The following TMEM245 variants were observed in gnomAD, a reference collection of about 807,000 sequenced individuals.
TMEM245 encodes protein CG-2.
In TMEM245, 69 loss-of-function variants were observed where a neutral mutation model predicts 101.2. That is an observed-to-expected ratio of 0.68 (90% CI 0.56 to 0.83). The LOEUF (loss-of-function observed/expected upper bound fraction) is 0.83, where lower values mean the gene tolerates loss of function less well. Ranked by LOEUF, TMEM245 falls within the 40% of genes least tolerant of loss-of-function variation. The pLI, the probability that TMEM245 is intolerant of heterozygous loss-of-function variation, is 0.00. For missense variants in TMEM245, 1,075 were observed against 1,092.8 expected, an observed-to-expected ratio of 0.98 and a Z score of 0.23; for synonymous variants, 537 against 449.8, an observed-to-expected ratio of 1.19 and a Z score of -2.45.
chr9:109,039,941 T>TA, intron 14 of TMEM245, among the ~76,000 whole-genome samples: 1 of 152,196 alleles, frequency 6.6e-6, no homozygotes, highest in South Asian at 2.1e-4. Context: ...TTATGTTATT[T>TA]AAAAAATTTA....
intron 14 of TMEM245, 58 bp from the exon 15 acceptor site, chr9:109,038,175 G>A: frequency 1.5e-6 from 2 of 1,326,870 alleles, no homozygotes; most frequent in Non-Finnish European, 2.1e-6. Flanking sequence ...TCGTGATTCA[G>A]AAAAATCACG....
At chr9:109,071,603 C>CA (rs202086560) in intron 9 of TMEM245, among the ~76,000 whole-genome samples, 45,724 of 123,944 alleles carry the variant, frequency 0.37, 7,496 homozygotes, top group Middle Eastern at 0.47. Flanking sequence ...GACCCTGTCT[C>CA]AAAAAAAAAA....
intron 10 of TMEM245, among the ~76,000 whole-genome samples, chr9:109,063,055 C>G (rs1163673332): frequency 6.6e-6 from 1 of 152,114 alleles, no homozygotes; most frequent in Non-Finnish European, 1.5e-5. Context: ...GAGAGGCAAC[C>G]AAGCATGAAG....
intron 14 of TMEM245, among the ~76,000 whole-genome samples, chr9:109,048,479 ATATT>A (rs1828568665): frequency 6.6e-6 from 1 of 152,162 alleles, no homozygotes; most frequent in Non-Finnish European, 1.5e-5. Context: ...GTTCCAGACA[ATATT>A]TATTAAAAGT....
At chr9:109,054,082 G>C (rs999012966) in intron 12 of TMEM245, among the ~76,000 whole-genome samples, 14 of 152,176 alleles carry the variant, frequency 9.2e-5, no homozygotes, top group Non-Finnish European at 2.1e-4. Flanking sequence ...TGTAATCCCA[G>C]CACTTTGGGA....
intron 10 of TMEM245, among the ~76,000 whole-genome samples, chr9:109,063,617 CA>C (rs2132448033): frequency 6.6e-6 from 1 of 152,156 alleles, no homozygotes; most frequent in East Asian, 1.9e-4. Context: ...TTCCTACAGG[CA>C]AAACTAGGGA....
chr9:109,091,998 T>C (rs1830019955), intron 4 of TMEM245, among the ~76,000 whole-genome samples: 1 of 152,156 alleles, frequency 6.6e-6, no homozygotes, highest in South Asian at 2.1e-4. Flanking sequence ...TACAAAAGTA[T>C]CATACGTCAG....
At position 109,119,709 on chromosome 9, in the gene TMEM245, C is replaced by G. The variant is rs1265617639; in HGVS notation, c.205G>C (p.Ala69Pro). ...AVLFVCLCCGAAVLVYFILEA... is the reference protein window; with the variant it reads ...AVLFVCLCCGPAVLVYFILEA... ...AGGATGAAGTAGACCAGCACCGCGG[C>G]GCCGCAGCACAGGCACACGAACAGC... Residue 69 changes from alanine to proline, a missense_variant, in exon 1 of 18, where the codon GCC (alanine) becomes CCC (proline). Physicochemically the swap from Ala to Pro is conservative, Grantham distance 27. Transcript: ENST00000374586. 3 of 1,548,412 alleles carry G rather than the reference C, an allele frequency of 1.9e-6. No individual in the cohort carries two copies. Among genetic ancestry groups the G allele is most frequent in the Non-Finnish European group, 2.6e-6 (3 of 1,151,364 alleles).
At chr9:109,098,287 T>C (rs1281648864) in intron 3 of TMEM245, among the ~76,000 whole-genome samples, 1 of 152,222 alleles carries the variant, frequency 6.6e-6, no homozygotes, top group African/African-American at 2.4e-5. Context: ...GCAGTAAATA[T>C]GCAGTAAAGC....
chr9:109,094,107 C>A (rs1050593788), intron 3 of TMEM245, among the ~76,000 whole-genome samples: 3 of 152,158 alleles, frequency 2.0e-5, no homozygotes, highest in Non-Finnish European at 4.4e-5. Flanking sequence ...AGGCAAAATC[C>A]ACCACTTGAA....
intron 9 of TMEM245, 58 bp from the exon 10 acceptor site, chr9:109,064,625 A>G: frequency 1.4e-6 from 2 of 1,443,766 alleles, no homozygotes; most frequent in East Asian, 4.6e-5. Context: ...GTGTACCAAT[A>G]ATGCTTTGAA....
At chr9:109,065,915 A>T (rs145434985) in intron 9 of TMEM245, among the ~76,000 whole-genome samples, 1 of 152,282 alleles carries the variant, frequency 6.6e-6, no homozygotes, top group East Asian at 1.9e-4. Context: ...AACTCACAGC[A>T]ACTTTATGTG....
At chr9:109,060,750 T>G (rs1828987786) in intron 10 of TMEM245, among the ~76,000 whole-genome samples, 1 of 152,238 alleles carries the variant, frequency 6.6e-6, no homozygotes, top group Non-Finnish European at 1.5e-5. Context: ...TGATCTTACC[T>G]GTCCAGAGAA....
chr9:109,113,618 T>A (rs1209474608), intron 1 of TMEM245, among the ~76,000 whole-genome samples: 1 of 152,260 alleles, frequency 6.6e-6, no homozygotes, highest in Admixed American at 6.5e-5. Context: ...CACACGATTA[T>A]CCACATATAC....
Position 109,079,082 on chromosome 9 carries a change from T to C in TMEM245, c.1449+1757A>G, listed in dbSNP as rs369365007. The stretch of plus-strand genomic sequence containing the variant: ...ACTGCCCATGCAAGAATGTCACCTG[T>C]TTTTACCTGTAAAGAAAAAGTACCT... On this transcript the variant is annotated intron_variant, in intron 8 of 17. Coordinates refer to ENST00000374586, the MANE Select transcript of TMEM245 (RefSeq NM_032012.4). Among the ~76,000 whole-genome samples, 55 of 152,290 alleles carry C rather than the reference T, an allele frequency of 3.6e-4. 2 individuals carry two copies. In the South Asian group the frequency reaches 0.011, roughly 31 times the overall value.
chr9:109,076,443 T>A (rs11999350), intron 8 of TMEM245, among the ~76,000 whole-genome samples: 21,549 of 150,776 alleles, frequency 0.14, 1,782 homozygotes, highest in African/African-American at 0.2. Flanking sequence ...TGACGAGTTA[T>A]TGGGTGCAGC....
chr9:109,058,371 C>T (rs140800158), intron 11 of TMEM245, among the ~76,000 whole-genome samples: 263 of 151,898 alleles, frequency 1.7e-3, no homozygotes, highest in Non-Finnish European at 3.2e-3. Context: ...AACAAGCAAA[C>T]GTAAGGCAGT....
At position 109,015,967 on chromosome 9, in the gene TMEM245, G is replaced by C. The variant is rs1488481203; in HGVS notation, c.*4493C>G. The C allele has an allele frequency of 6.6e-6, 1 of 152,584 alleles. No homozygotes were observed. Among genetic ancestry groups the C allele is most frequent in the African/African-American group, 2.4e-5 (1 of 41,430 alleles). The allele number at this position is 152,584 out of a possible 1,614,324, so 9.5% of individuals were successfully genotyped here. A position where few individuals can be genotyped will look rare whatever the true frequency, so the allele number is the denominator to read the frequency against. On this transcript the variant is annotated 3_prime_UTR_variant, in exon 18 of 18. Coordinates refer to ENST00000374586, the MANE Select transcript of TMEM245 (RefSeq NM_032012.4). ...TATACCTTAAGTATAGCTCTAAACA[G>C]CAAATATACTTGCTTTCTGGACTTC... is the stretch of plus-strand genomic sequence containing the variant.
At chr9:109,046,339 T>C (rs1828493249) in intron 14 of TMEM245, 3 of 530,834 alleles carry the variant, frequency 5.7e-6, no homozygotes, top group South Asian at 1.4e-5. Context: ...AAGAAGGGTG[T>C]GATGTATACA....
Sources: gnomAD v4.1 joint callset for allele counts (sites outside exome capture counted in the v4.1 genomes callset) on GRCh38, gnomAD v4.1.1 for gene constraint, MANE v1.5 for transcripts, NCBI Gene and HGNC (gene_info 2026-07-23, HGNC 2026-07-21) for gene names.